CNTNAP2: variants seen among roughly 807,000 people sequenced by gnomAD.
CNTNAP2 encodes the protein contactin-associated protein-like 2.
Under a neutral mutation model 155.2 loss-of-function variants are expected in CNTNAP2, and 98 were observed. The observed-to-expected ratio is 0.63, with a 90% confidence interval of 0.54 to 0.75. The LOEUF is 0.75. Ranked by LOEUF, CNTNAP2 falls within the 30% of genes least tolerant of loss-of-function variation. CNTNAP2 has a pLI of 0.00. For synonymous variants in CNTNAP2, 651 were observed against 631.2 expected (o/e 1.03, Z -0.47); for missense variants, 1,727 against 1,688.1 (o/e 1.02, Z -0.40).
At chr7:148,172,985 C>G (rs932057494) in intron 18 of CNTNAP2, among the ~76,000 whole-genome samples, 1 of 152,202 alleles carries the variant, frequency 6.6e-6, no homozygotes, top group Non-Finnish European at 1.5e-5. Context: ...TATTATTACT[C>G]TTACTCAGGA....
Position 147,628,572 on chromosome 7 carries a change from AT to A in CNTNAP2, c.1898-10533del, listed in dbSNP as rs1345167450. On this transcript the variant is annotated intron_variant, in intron 12 of 23. Transcript: ENST00000361727. ...AACAATAACACAATTAAAACAAAAC[AT>A]AAGGTATTAAGGCAACAACTAGCAT... Among the ~76,000 whole-genome samples the A allele has an allele frequency of 2.0e-5, 3 of 152,186 alleles. No individual in the cohort carries two copies. In the East Asian group the frequency reaches 5.8e-4, roughly 29 times the overall value.
chr7:146,949,556 G>A (rs1352544000), intron 3 of CNTNAP2, among the ~76,000 whole-genome samples: 2 of 152,110 alleles, frequency 1.3e-5, no homozygotes, highest in African/African-American at 4.8e-5. Context: ...ATTTCCTGAG[G>A]TTCTAGTGGA....
At chr7:147,881,246 G>A (rs1350247540) in intron 13 of CNTNAP2, among the ~76,000 whole-genome samples, 6 of 152,196 alleles carry the variant, frequency 3.9e-5, no homozygotes, top group Non-Finnish European at 7.3e-5. Flanking sequence ...TTGAGTATAT[G>A]TAGCACCACC....
At chr7:147,127,136 G>T (rs560914147) in intron 6 of CNTNAP2, among the ~76,000 whole-genome samples, 2 of 152,250 alleles carry the variant, frequency 1.3e-5, no homozygotes, top group South Asian at 4.2e-4. Flanking sequence ...TATCAAAAAT[G>T]ATTGCCTTTG....
At chr7:147,322,300 G>A (rs1563160096) in intron 9 of CNTNAP2, among the ~76,000 whole-genome samples, 1 of 152,148 alleles carries the variant, frequency 6.6e-6, no homozygotes, top group Non-Finnish European at 1.5e-5. Context: ...GTCTATGCAA[G>A]GGGGGAAAGT....
intron 21 of CNTNAP2, among the ~76,000 whole-genome samples, chr7:148,294,414 C>T (rs1797244767): frequency 6.6e-6 from 1 of 152,176 alleles, no homozygotes; most frequent in Non-Finnish European, 1.5e-5. Context: ...AATAAACTCA[C>T]TTTCTAGTTA....
At chr7:148,350,263 C>T (rs577889821) in intron 21 of CNTNAP2, among the ~76,000 whole-genome samples, 2 of 152,174 alleles carry the variant, frequency 1.3e-5, no homozygotes, top group East Asian at 3.9e-4. Context: ...GAAACTGACA[C>T]TCAAAGGGAT....
intron 1 of CNTNAP2, among the ~76,000 whole-genome samples, chr7:146,536,621 C>T (rs1383007872): frequency 6.8e-6 from 1 of 147,750 alleles, no homozygotes; most frequent in African/African-American, 2.5e-5. Flanking sequence ...AAAGACTCAT[C>T]ATTTGTAGCT....
intron 12 of CNTNAP2, among the ~76,000 whole-genome samples, chr7:147,635,114 A>G (rs565783440): frequency 6.6e-6 from 1 of 151,358 alleles, no homozygotes; most frequent in Non-Finnish European, 1.5e-5. Flanking sequence ...TGAAAAGGCA[A>G]TCCCCATTCA....
intron 3 of CNTNAP2, among the ~76,000 whole-genome samples, chr7:146,854,703 T>A (rs1794943380): frequency 6.6e-6 from 1 of 152,178 alleles, no homozygotes; most frequent in African/African-American, 2.4e-5. Flanking sequence ...TATTTGCTGA[T>A]GAAGAGGGTA....
At chr7:146,339,952 C>T (rs563309634) in intron 1 of CNTNAP2, among the ~76,000 whole-genome samples, 5 of 152,102 alleles carry the variant, frequency 3.3e-5, no homozygotes, top group African/African-American at 9.6e-5. Flanking sequence ...GGGCGGATCA[C>T]GAGGTCAGGA....
At chr7:147,536,841 A>AC (rs1490520963) in intron 11 of CNTNAP2, among the ~76,000 whole-genome samples, 1 of 152,118 alleles carries the variant, frequency 6.6e-6, no homozygotes, top group Non-Finnish European at 1.5e-5. Context: ...CAGGCCTTGA[A>AC]CATAGCTTCA....
At chr7:146,535,096 TATATATTATATATATATGATA>T (rs1195283695) in intron 1 of CNTNAP2, among the ~76,000 whole-genome samples, 1 of 6,692 alleles carries the variant, frequency 1.5e-4, no homozygotes, top group Non-Finnish European at 2.0e-4. Flanking sequence ...ATATTTTATA[TATATATTATATATATATGATA>T]TATATCATAT....
chr7:147,161,490 T>G (rs1466413116), intron 8 of CNTNAP2: 1 of 152,184 alleles, frequency 6.6e-6, no homozygotes, highest in Non-Finnish European at 1.5e-5. Context: ...AGGAACTCAA[T>G]ACCAATATGC....
At chr7:146,793,024 G>A (rs528562686) in intron 2 of CNTNAP2, among the ~76,000 whole-genome samples, 39 of 152,104 alleles carry the variant, frequency 2.6e-4, no homozygotes, top group Non-Finnish European at 3.8e-4. Flanking sequence ...CATTTTATAT[G>A]TTTTAGTTAA....
intron 1 of CNTNAP2, among the ~76,000 whole-genome samples, chr7:146,133,565 G>T (rs549342719): frequency 7.4e-4 from 113 of 152,112 alleles, no homozygotes; most frequent in African/African-American, 1.2e-3. Context: ...TTTAAGTCTT[G>T]AATCCATCTT....
intron 1 of CNTNAP2, among the ~76,000 whole-genome samples, chr7:146,191,194 A>C (rs2116852098): frequency 6.6e-6 from 1 of 152,206 alleles, no homozygotes; most frequent in Middle Eastern, 3.4e-3. Context: ...TAATAAAGGG[A>C]AAGAGTACAA....
At chr7:148,050,069 G>A (rs1802858149) in intron 15 of CNTNAP2, among the ~76,000 whole-genome samples, 1 of 152,184 alleles carries the variant, frequency 6.6e-6, no homozygotes, top group Non-Finnish European at 1.5e-5. Flanking sequence ...GGCTGAGGCA[G>A]AAGAATCACT....
intron 4 of CNTNAP2, among the ~76,000 whole-genome samples, chr7:147,069,721 G>T (rs1197666213): frequency 6.6e-6 from 1 of 152,102 alleles, no homozygotes; most frequent in East Asian, 1.9e-4. Context: ...TCTCAAAGTT[G>T]CTTACTTACT....
Sources: allele counts gnomAD v4.1 joint callset (sites outside exome capture counted in the v4.1 genomes callset), GRCh38; gene constraint gnomAD v4.1.1; transcripts MANE v1.5; gene names NCBI Gene and HGNC (gene_info 2026-07-23, HGNC 2026-07-21).